Variants in MEMO1 observed in about 807,000 individuals in gnomAD.
MEMO1 encodes the protein protein MEMO1.
MEMO1 carries 6 observed loss-of-function variants against 45.2 expected under a neutral mutation model. The ratio of observed to expected loss-of-function variants is 0.13; its 90% CI spans 0.07 to 0.26. The LOEUF (loss-of-function observed/expected upper bound fraction) is 0.26. Ranked by LOEUF, MEMO1 falls within the 10% of genes least tolerant of loss-of-function variation. MEMO1 has a pLI of 1.00. For missense variants in MEMO1, 184 were observed against 370.5 expected, an observed-to-expected ratio of 0.50 and a Z score of 4.13; for synonymous variants, 78 against 124.3, an observed-to-expected ratio of 0.63 and a Z score of 2.48.
At chr2:31,991,824 G>C (rs1671989555) in intron 2 of MEMO1, among the ~76,000 whole-genome samples, 1 of 152,062 alleles carries the variant, frequency 6.6e-6, no homozygotes, top group Non-Finnish European at 1.5e-5. Flanking sequence ...TGATTTCTAA[G>C]ACACAGGAGG....
intron 4 of MEMO1, among the ~76,000 whole-genome samples, chr2:31,930,298 C>T (rs550356699): frequency 2.0e-4 from 31 of 152,184 alleles, no homozygotes; most frequent in African/African-American, 2.6e-4. Context: ...TAAAATAATT[C>T]GATCACATCA....
chr2:31,928,121 C>A (rs1026981885), intron 4 of MEMO1, among the ~76,000 whole-genome samples: 1 of 152,146 alleles, frequency 6.6e-6, no homozygotes, highest in Non-Finnish European at 1.5e-5. Context: ...AAAACAACAC[C>A]TGAAAACCTT....
chr2:31,879,155 T>A (rs545497346), intron 8 of MEMO1, among the ~76,000 whole-genome samples: 1 of 152,310 alleles, frequency 6.6e-6, no homozygotes, highest in South Asian at 2.1e-4. Context: ...TTTTTCACAT[T>A]TGGTTTTTGC....
intron 2 of MEMO1, among the ~76,000 whole-genome samples, chr2:31,950,672 GAT>G (rs1329005651): frequency 6.8e-6 from 1 of 147,680 alleles, no homozygotes; most frequent in East Asian, 2.0e-4. Flanking sequence ...AGTGAGCTGA[GAT>G]AACGACACTG....
At chr2:31,987,582 G>C (rs987668012) in intron 2 of MEMO1, among the ~76,000 whole-genome samples, 2 of 152,138 alleles carry the variant, frequency 1.3e-5, no homozygotes, top group African/African-American at 4.8e-5. Flanking sequence ...TTATAATCTA[G>C]TCATATTAGT....
intron 2 of MEMO1, among the ~76,000 whole-genome samples, chr2:31,952,808 A>G (rs1666983982): frequency 6.6e-6 from 1 of 152,216 alleles, no homozygotes; most frequent in African/African-American, 2.4e-5. Flanking sequence ...AAAATCGCCA[A>G]AATTAATATT....
At chr2:31,969,798 A>T (rs1003447289) in intron 2 of MEMO1, among the ~76,000 whole-genome samples, 2 of 150,738 alleles carry the variant, frequency 1.3e-5, no homozygotes, top group African/African-American at 4.9e-5. Context: ...TTTTAAGACA[A>T]GGGATCTTAC....
chr2:31,883,458 T>C lies in MEMO1; in HGVS notation c.585A>G (p.Gln195=), dbSNP rs762404967. Residue 195 remains glutamine, a synonymous_variant, in exon 8 of 10, where the codon CAA becomes CAG. Transcript: ENST00000404530. ...VVSSDFCHWG[Q]RFRYSYYDES... ...CATCATAGTAACTGTAACGGAACCT[T>C]TGACCTTGAAACAAATATCATGTAC... 1 of 1,585,432 alleles carries C rather than the reference T, an allele frequency of 6.3e-7. No individual in the cohort carries two copies. Among genetic ancestry groups the C allele is most frequent in the South Asian group, 1.2e-5 (1 of 84,188 alleles).
At chr2:31,942,790 G>C (rs961156966) in intron 3 of MEMO1, among the ~76,000 whole-genome samples, 5 of 151,954 alleles carry the variant, frequency 3.3e-5, no homozygotes, top group African/African-American at 1.2e-4. Flanking sequence ...TCAAAGTGCT[G>C]GAATTACAGG....
intron 2 of MEMO1, among the ~76,000 whole-genome samples, chr2:31,961,963 C>T (rs975360775): frequency 1.4e-4 from 22 of 152,096 alleles, no homozygotes; most frequent in African/African-American, 4.8e-4. Flanking sequence ...GCTGACGACT[C>T]TAAGACCAAG....
chr2:31,911,039 CA>C (rs200692820), intron 6 of MEMO1, among the ~76,000 whole-genome samples: 23 of 142,326 alleles, frequency 1.6e-4, no homozygotes, highest in South Asian at 4.5e-4. Context: ...AAGTGGAAGA[CA>C]AAAAAAAAGG....
chr2:31,933,350 T>TA lies in MEMO1; in HGVS notation c.144-1216_144-1215insT, dbSNP rs1553369088. 3.9e-3 allele frequency among the ~76,000 whole-genome samples: 48 copies of TA among 12,208 alleles called. 2 individuals are homozygous for TA. Among genetic ancestry groups the TA allele is most frequent in the African/African-American group, 0.012 (38 of 3,046 alleles). The allele number at this position is 12,208 out of a possible 152,430, so 8.0% of individuals were successfully genotyped here. ...AAAAAAAAAAAAAAAAAAAAAAAAATTTATATATATATATATATATATATA... is the reference window on the plus strand; with the variant it reads ...AAAAAAAAAAAAAAAAAAAAAAAAATATTATATATATATATATATATATATA... On this transcript the variant is annotated intron_variant, in intron 3 of 9. Coordinates refer to ENST00000404530, the MANE Select transcript of MEMO1 (RefSeq NM_001301833.4).
chr2:31,906,715 G>A (rs964550110), intron 6 of MEMO1, among the ~76,000 whole-genome samples: 1 of 152,086 alleles, frequency 6.6e-6, no homozygotes, highest in Non-Finnish European at 1.5e-5. Flanking sequence ...TAAAATACAA[G>A]TATTTTACAA....
At chr2:31,950,788 A>T (rs555304535) in intron 2 of MEMO1, among the ~76,000 whole-genome samples, 22 of 152,316 alleles carry the variant, frequency 1.4e-4, no homozygotes, top group African/African-American at 5.3e-4. Flanking sequence ...AAAAATACTT[A>T]TTCAGACAAA....
At position 32,001,032 on chromosome 2, in the gene MEMO1, A is replaced by ATTT. The variant is rs66617379; in HGVS notation, c.61+9152_61+9154dup. The stretch of plus-strand genomic sequence containing the variant: ...CTCTTCAGAAGTGCCATAAATTTTG[A>ATTT]TTTTTTTTTTTTTTTTTTTTTTTGA... On this transcript the variant is annotated intron_variant, in intron 2 of 9. Coordinates refer to ENST00000404530, the MANE Select transcript of MEMO1 (RefSeq NM_001301833.4). 5.3e-3 allele frequency among the ~76,000 whole-genome samples: 550 copies of ATTT among 104,502 alleles called. 11 individuals carry two copies. Among genetic ancestry groups the ATTT allele is most frequent in the African/African-American group, 0.014 (386 of 27,020 alleles). The allele number at this position is 104,502 out of a possible 152,430, so 68.6% of individuals were successfully genotyped here. A position where few individuals can be genotyped will look rare whatever the true frequency, so the allele number is the denominator to read the frequency against.
At chr2:31,907,343 AG>A (rs1679903909) in intron 6 of MEMO1, among the ~76,000 whole-genome samples, 1 of 152,242 alleles carries the variant, frequency 6.6e-6, no homozygotes, top group South Asian at 2.1e-4. Context: ...GAAAACAAAT[AG>A]GGTGTTTCCT....
chr2:31,868,605 T>A, intron 9 of MEMO1, 113 bp from the exon 10 acceptor site: 1 of 1,006,794 alleles, frequency 9.9e-7, no homozygotes, highest in Non-Finnish European at 1.3e-6. Context: ...TTATCTCTTT[T>A]GCTCTTTTGT....
chr2:31,897,168 C>G (rs750606282), intron 6 of MEMO1, among the ~76,000 whole-genome samples: 1 of 151,956 alleles, frequency 6.6e-6, no homozygotes, highest in Non-Finnish European at 1.5e-5. Context: ...CATCTGCAAA[C>G]AGAGACAATT....
At chr2:31,988,185 C>T (rs558134691) in intron 2 of MEMO1, among the ~76,000 whole-genome samples, 21 of 152,166 alleles carry the variant, frequency 1.4e-4, no homozygotes, top group African/African-American at 4.6e-4. Context: ...AGACCAAAAC[C>T]ACTTTGAGAA....
Sources: allele counts gnomAD v4.1 joint callset (sites outside exome capture counted in the v4.1 genomes callset), GRCh38; gene constraint gnomAD v4.1.1; transcripts MANE v1.5; gene names NCBI Gene and HGNC (gene_info 2026-07-23, HGNC 2026-07-21).